Variants in KIF26B observed in about 807,000 individuals in gnomAD.
KIF26B encodes the protein kinesin family member 26B.
In KIF26B, 63 loss-of-function variants were observed where a neutral mutation model predicts 151.2. The observed-to-expected ratio is 0.42, with a 90% confidence interval of 0.34 to 0.51. The LOEUF is 0.51. Among genes scored for constraint, KIF26B ranks in the 20% least tolerant of loss-of-function variants. The pLI is 0.07. For missense variants in KIF26B, 2,813 were observed against 2,913.6 expected, an observed-to-expected ratio of 0.97 and a Z score of 0.79; for synonymous variants, 1,357 against 1,262.1, an observed-to-expected ratio of 1.08 and a Z score of -1.59.
rs1229950443 is a variant in KIF26B at position 245,563,627 on chromosome 1, G to T, written c.1350+22677G>T. The stretch of plus-strand genomic sequence containing the variant: ...GAAGCAGCCAGTGGCCTCGGGAGTG[G>T]GGCTGCTTGAGACTGTGGGAACGAT... On this transcript the variant is annotated intron_variant, in intron 5 of 14. Transcript: ENST00000407071. The surrounding 1 kb of genome is among the most constrained non-coding windows in gnomAD (Gnocchi z 4.6). 3.3e-5 allele frequency among the ~76,000 whole-genome samples: 5 copies of T among 152,306 alleles called. No homozygotes were observed. In the East Asian group the frequency reaches 7.7e-4, roughly 24 times the overall value.
chr1:245,478,602 C>G (rs2363901), intron 4 of KIF26B, among the ~76,000 whole-genome samples: 124,243 of 151,136 alleles, frequency 0.82, 51,414 homozygotes, highest in East Asian at 0.86. Flanking sequence ...ATTTGTAGTA[C>G]AGATGGGGTT....
At chr1:245,651,308 C>T (rs944088343) in intron 10 of KIF26B, among the ~76,000 whole-genome samples, 7 of 152,214 alleles carry the variant, frequency 4.6e-5, no homozygotes, top group Non-Finnish European at 8.8e-5. Flanking sequence ...TAAGTAGAGG[C>T]AGCTTTTTCA....
intron 2 of KIF26B, among the ~76,000 whole-genome samples, chr1:245,256,826 A>G (rs1272033544): frequency 6.6e-6 from 1 of 152,164 alleles, no homozygotes; most frequent in Non-Finnish European, 1.5e-5. Context: ...CCGGCCCCAA[A>G]AGAAATAAAA....
rs1660981905 is a variant in KIF26B, at chr1:245,516,932, C to T, written c.1167-23835C>T. Reference sequence around the variant, plus strand: ...TGGGCTGATTGCCCTGGCTGCTCCCCACAGCTCCACGGCTGCTGCTTTCAC... The same window carrying T: ...TGGGCTGATTGCCCTGGCTGCTCCCTACAGCTCCACGGCTGCTGCTTTCAC... On this transcript the variant is annotated intron_variant, in intron 4 of 14. Transcript: ENST00000407071. The surrounding 1 kb of genome is among the most constrained non-coding windows in gnomAD (Gnocchi z 4.2). Among the ~76,000 whole-genome samples, 1 of 152,224 alleles carries T rather than the reference C, an allele frequency of 6.6e-6. No homozygotes were observed. The highest frequency in any genetic ancestry group is 2.4e-5 in the African/African-American group (1 of 41,450).
rs1280765255 is a variant in KIF26B, at chr1:245,318,885, G to A, written c.466-47949G>A. Among the ~76,000 whole-genome samples the A allele has an allele frequency of 6.6e-6, 1 of 150,552 alleles. No individual in the cohort carries two copies. The highest frequency in any genetic ancestry group is 1.5e-5 in the Non-Finnish European group (1 of 67,626). On this transcript the variant is annotated intron_variant, in intron 2 of 14. Transcript: ENST00000407071. The surrounding 1 kb of genome is among the most constrained non-coding windows in gnomAD (Gnocchi z 4.0). Reference sequence around the variant, plus strand: ...ATCAGCCTGAGCCAAGATTGATGAGGAAAAAAAAACAAAAACCAAAATCTA... The same window carrying A: ...ATCAGCCTGAGCCAAGATTGATGAGAAAAAAAAAACAAAAACCAAAATCTA...
At chr1:245,651,372 C>T (rs1310892456) in intron 10 of KIF26B, among the ~76,000 whole-genome samples, 1 of 152,208 alleles carries the variant, frequency 6.6e-6, no homozygotes, top group Non-Finnish European at 1.5e-5. Flanking sequence ...ACCTGTGGGT[C>T]ACACTTGTGG....
intron 9 of KIF26B, among the ~76,000 whole-genome samples, chr1:245,627,841 T>C (rs1272394370): frequency 6.6e-6 from 1 of 152,136 alleles, no homozygotes; most frequent in Non-Finnish European, 1.5e-5. Flanking sequence ...CATCAGAGAA[T>C]ACTATAAACA....
intron 4 of KIF26B, among the ~76,000 whole-genome samples, chr1:245,522,837 A>C (rs1661158847): frequency 6.6e-6 from 1 of 152,232 alleles, no homozygotes; most frequent in South Asian, 2.1e-4. Context: ...AGCAGGGCTT[A>C]CAGCAAAGGC....
At chr1:245,436,672 A>G (rs533953498) in intron 4 of KIF26B, among the ~76,000 whole-genome samples, 1 of 152,272 alleles carries the variant, frequency 6.6e-6, no homozygotes, top group Non-Finnish European at 1.5e-5. Context: ...TGTTAATATC[A>G]TCTAGTAAAT....
intron 5 of KIF26B, among the ~76,000 whole-genome samples, chr1:245,593,363 T>A (rs1264377399): frequency 1.3e-5 from 2 of 151,794 alleles, no homozygotes; most frequent in Non-Finnish European, 1.5e-5. Context: ...GATGTTCCCC[T>A]CCCTGTGTCC....
At chr1:245,175,884 A>C (rs776224118) in intron 2 of KIF26B, among the ~76,000 whole-genome samples, 1 of 150,580 alleles carries the variant, frequency 6.6e-6, no homozygotes, top group Non-Finnish European at 1.5e-5. Flanking sequence ...TGAGACACTG[A>C]CATTTTCTTC....
chr1:245,219,401 G>A (rs972977626), intron 2 of KIF26B, among the ~76,000 whole-genome samples: 1 of 152,004 alleles, frequency 6.6e-6, no homozygotes, highest in East Asian at 2.0e-4. Flanking sequence ...TTATAGGCGC[G>A]AGCCACTGCG....
At chr1:245,231,238 G>C (rs1207533923) in intron 2 of KIF26B, among the ~76,000 whole-genome samples, 1 of 152,162 alleles carries the variant, frequency 6.6e-6, no homozygotes, top group African/African-American at 2.4e-5. Context: ...ATCTAGGCTG[G>C]GCGCAGTGGC....
intron 9 of KIF26B, among the ~76,000 whole-genome samples, chr1:245,637,962 T>G (rs1380707669): frequency 6.6e-6 from 1 of 152,066 alleles, no homozygotes; most frequent in Non-Finnish European, 1.5e-5. Context: ...TTATTTTTGG[T>G]CAGTATTGAT....
chr1:245,278,450 C>T (rs112437296), intron 2 of KIF26B, among the ~76,000 whole-genome samples: 1,900 of 152,218 alleles, frequency 0.012, 18 homozygotes, highest in Non-Finnish European at 0.021. Context: ...TCAGAATTTC[C>T]GGCCTAAATC....
intron 5 of KIF26B, among the ~76,000 whole-genome samples, chr1:245,561,542 C>G (rs1206459914): frequency 6.6e-6 from 1 of 152,212 alleles, no homozygotes; most frequent in African/African-American, 2.4e-5. Flanking sequence ...GAGTACTGTT[C>G]TGAGTGCATT....
intron 2 of KIF26B, among the ~76,000 whole-genome samples, chr1:245,240,991 G>A (rs977063722): frequency 5.9e-5 from 9 of 152,164 alleles, no homozygotes; most frequent in Non-Finnish European, 1.3e-4. Flanking sequence ...CCCCGCCCAG[G>A]GATCATGGAT....
At chr1:245,700,681 C>A (rs1237991959) in intron 14 of KIF26B, among the ~76,000 whole-genome samples, 1 of 152,190 alleles carries the variant, frequency 6.6e-6, no homozygotes, top group Non-Finnish European at 1.5e-5. Flanking sequence ...TTCGTGTCTG[C>A]TTGCATGATG....
At chr1:245,544,417 T>C (rs1661692755) in intron 5 of KIF26B, among the ~76,000 whole-genome samples, 1 of 152,090 alleles carries the variant, frequency 6.6e-6, no homozygotes, top group East Asian at 1.9e-4. Context: ...GGTGAGAGTG[T>C]TGTCACCCAG....
Sources: allele counts gnomAD v4.1 joint callset (sites outside exome capture counted in the v4.1 genomes callset), GRCh38; gene constraint gnomAD v4.1.1; non-coding constraint Gnocchi (gnomAD v3.1); transcripts MANE v1.5; gene names NCBI Gene and HGNC (gene_info 2026-07-23, HGNC 2026-07-21).